The following AFAP1 variants were observed in gnomAD, a reference collection of about 807,000 sequenced individuals.
AFAP1 encodes actin filament-associated protein 1.
AFAP1 carries 75 observed loss-of-function variants against 93.9 expected under a neutral mutation model. The observed-to-expected ratio is 0.80, with a 90% CI of 0.66 to 0.97. The LOEUF (loss-of-function observed/expected upper bound fraction) is 0.97, where lower values mean the gene tolerates loss of function less well. Among genes scored for constraint, AFAP1 ranks in the 50% least tolerant of loss-of-function variants. The pLI is 0.00. For synonymous variants in AFAP1, 517 were observed against 430.7 expected, an observed-to-expected ratio of 1.20 and a Z score of -2.48; for missense variants, 1,201 against 1,050.8, an observed-to-expected ratio of 1.14 and a Z score of -1.98.
intron 1 of AFAP1, among the ~76,000 whole-genome samples, chr4:7,910,703 T>A (rs572629345): frequency 6.6e-6 from 1 of 152,368 alleles, no homozygotes; most frequent in East Asian, 1.9e-4. Flanking sequence ...CCCAGTCTCC[T>A]GTTCCACTGA....
chr4:7,855,256 G>T lies in AFAP1; in HGVS notation c.334+210C>A, dbSNP rs74843652. Among the ~76,000 whole-genome samples, 737 of 152,354 alleles carry T rather than the reference G, an allele frequency of 4.8e-3. 4 individuals are homozygous for T. The highest frequency in any genetic ancestry group is 0.015 in the African/African-American group (638 of 41,576). ...TTCACTACCTCTGAGTCACAAGGAA[G>T]ACAGCAATCGGAAGAGAGGCTTGTG... On this transcript the variant is annotated intron_variant, in intron 4 of 17. Coordinates refer to ENST00000420658, the MANE Select transcript of AFAP1 (RefSeq NM_001134647.2).
chr4:7,781,397 C>T lies in AFAP1; in HGVS notation c.1761G>A (p.Ala587=), dbSNP rs370852242. Residue 587 remains alanine, a synonymous_variant, in exon 13 of 18, where the codon GCG becomes GCA. Coordinates refer to ENST00000420658, the MANE Select transcript of AFAP1 (RefSeq NM_001134647.2). ...SVTNTSSVGR[A]SLGLNSQLKG... is the part of the protein sequence containing the mutation. ...GTACCTGCGAGTTGAGCCCGAGAGA[C>T]GCCCTCCCCACAGAAGAGGTATTAG... 2.6e-5 allele frequency: 40 copies of T among 1,551,654 alleles called. No individual in the cohort carries two copies. Among genetic ancestry groups the T allele is most frequent in the Middle Eastern group, 1.7e-4 (1 of 6,016 alleles).
chr4:7,786,839 C>G (rs1717309249), intron 11 of AFAP1, among the ~76,000 whole-genome samples: 1 of 152,232 alleles, frequency 6.6e-6, no homozygotes. Flanking sequence ...ACTGTCTGGT[C>G]TCTTTTGGAA....
chr4:7,769,136 C>A (rs1253385524), intron 16 of AFAP1, 128 bp from the exon 17 acceptor site: 7 of 1,238,320 alleles, frequency 5.7e-6, no homozygotes, highest in Non-Finnish European at 7.7e-6. Context: ...GCAGTAGCAG[C>A]AAGGACTGCC....
intron 1 of AFAP1, among the ~76,000 whole-genome samples, chr4:7,916,701 A>G (rs1720102991): frequency 1.3e-5 from 2 of 152,160 alleles, no homozygotes; most frequent in Admixed American, 6.5e-5. Flanking sequence ...GAGCCATGAT[A>G]AAAATCAAAA....
intron 1 of AFAP1, among the ~76,000 whole-genome samples, chr4:7,921,822 G>GT (rs1242952277): frequency 6.6e-6 from 1 of 152,128 alleles, no homozygotes; most frequent in East Asian, 1.9e-4. Flanking sequence ...CAACATCTGT[G>GT]TTTTTAAAAA....
At chr4:7,906,999 C>T (rs537306041) in intron 1 of AFAP1, among the ~76,000 whole-genome samples, 26 of 84,594 alleles carry the variant, frequency 3.1e-4, no homozygotes, top group Admixed American at 2.0e-3. Flanking sequence ...CAAAACTCCA[C>T]CTCAAAAAAA....
intron 13 of AFAP1, among the ~76,000 whole-genome samples, chr4:7,780,615 C>G (rs1716661362): frequency 6.6e-6 from 1 of 151,552 alleles, no homozygotes; most frequent in African/African-American, 2.4e-5. Context: ...AGTTCAAGTC[C>G]TGCCTGGGCA....
intron 8 of AFAP1, among the ~76,000 whole-genome samples, chr4:7,811,566 C>G (rs1720042365): frequency 6.6e-6 from 1 of 152,076 alleles, no homozygotes; most frequent in Non-Finnish European, 1.5e-5. Context: ...CAGAACATAC[C>G]CCTGGTGTCT....
chr4:7,914,736 T>C (rs1719974894), intron 1 of AFAP1, among the ~76,000 whole-genome samples: 1 of 152,118 alleles, frequency 6.6e-6, no homozygotes, highest in African/African-American at 2.4e-5. Context: ...CCATAGTGGC[T>C]GCACTAGCTT....
intron 1 of AFAP1, among the ~76,000 whole-genome samples, chr4:7,910,486 G>C (rs1020503329): frequency 6.6e-6 from 1 of 152,206 alleles, no homozygotes; most frequent in Admixed American, 6.5e-5. Context: ...AAAAGTAACT[G>C]AAGTATTCCT....
rs533172015 is a variant in AFAP1 at position 7,763,383 on chromosome 4, G to A, written c.*382C>T. ...CCGGGGATCCAAGCTCTTCCCTGTC[G>A]AATCCAGGTTTTCATCTGGGGGCTC... On this transcript the variant is annotated 3_prime_UTR_variant, in exon 18 of 18. Coordinates refer to ENST00000420658, the MANE Select transcript of AFAP1 (RefSeq NM_001134647.2). 2.3e-4 allele frequency: 48 copies of A among 212,270 alleles called. No individual in the cohort carries two copies. Among genetic ancestry groups the A allele is most frequent in the Middle Eastern group, 3.3e-3 (2 of 598 alleles). 13.1% of individuals were successfully genotyped at this position (212,270 alleles called of 1,614,324 possible).
intron 11 of AFAP1, among the ~76,000 whole-genome samples, chr4:7,789,271 C>T (rs1320031586): frequency 6.6e-6 from 1 of 152,148 alleles, no homozygotes; most frequent in Non-Finnish European, 1.5e-5. Flanking sequence ...AGGCCACATG[C>T]CACTTGTTAC....
chr4:7,787,074 C>A (rs966092914), intron 11 of AFAP1, among the ~76,000 whole-genome samples: 3 of 152,218 alleles, frequency 2.0e-5, no homozygotes, highest in African/African-American at 7.2e-5. Context: ...TCCCAAGTTC[C>A]TGGTCAGGGC....
chr4:7,926,880 C>A (rs1363985503), intron 1 of AFAP1, among the ~76,000 whole-genome samples: 1 of 152,152 alleles, frequency 6.6e-6, no homozygotes, highest in Admixed American at 6.6e-5. Flanking sequence ...GGATTACAGG[C>A]CCCCGCCACC....
rs1006906247 is a variant in AFAP1, at chr4:7,760,212, C to G, written c.*3553G>C. On this transcript the variant is annotated 3_prime_UTR_variant, in exon 18 of 18. Coordinates refer to ENST00000420658, the MANE Select transcript of AFAP1 (RefSeq NM_001134647.2). ...GCCACACTTTTTGAAACAGACTTTT[C>G]AAAAGGAGTAAATCTCCACATTTTA... 1.2e-4 allele frequency: 18 copies of G among 152,216 alleles called. No individual in the cohort carries two copies. Among genetic ancestry groups the G allele is most frequent in the Non-Finnish European group, 2.5e-4 (17 of 68,028 alleles). The allele number at this position is 152,216 out of a possible 1,614,324, so 9.4% of individuals were successfully genotyped here.
intron 6 of AFAP1, 94 bp from the exon 7 acceptor site, chr4:7,819,265 G>T: frequency 8.7e-7 from 1 of 1,155,952 alleles, no homozygotes. Flanking sequence ...CACATGGCGT[G>T]GTAGGGAAAT....
At chr4:7,917,647 G>A (rs1016450928) in intron 1 of AFAP1, among the ~76,000 whole-genome samples, 2 of 152,132 alleles carry the variant, frequency 1.3e-5, no homozygotes. Context: ...CATGAACCAC[G>A]TACCTCTCAC....
Position 7,939,375 on chromosome 4 carries a change from A to C in AFAP1, c.-3+281T>G. 3.1e-6 allele frequency: 1 copy of C among 320,556 alleles called. No homozygotes were observed. The highest frequency in any genetic ancestry group is 2.3e-5 in the South Asian group (1 of 43,550). 19.9% of individuals were successfully genotyped at this position (320,556 alleles called of 1,614,324 possible). ...CGGGGACCAGCCACGCCGCGGGGGC[A>C]CCGGGCAGGAGCCAGCGCCCGGGTC... On this transcript the variant is annotated intron_variant, in intron 1 of 17. Transcript: ENST00000420658. The surrounding 1 kb of genome is among the most constrained non-coding windows in gnomAD (Gnocchi z 5.6).
Sources: allele counts gnomAD v4.1 joint callset (sites outside exome capture counted in the v4.1 genomes callset), GRCh38; gene constraint gnomAD v4.1.1; non-coding constraint Gnocchi (gnomAD v3.1); transcripts MANE v1.5; gene names NCBI Gene and HGNC (gene_info 2026-07-23, HGNC 2026-07-21).